PTPN14: variants seen among roughly 807,000 people sequenced by gnomAD.
PTPN14 encodes tyrosine-protein phosphatase non-receptor type 14.
A neutral mutation model predicts 126.8 loss-of-function variants in PTPN14; 53 were observed. The observed-to-expected ratio is 0.42, with a 90% CI of 0.34 to 0.53. The LOEUF (loss-of-function observed/expected upper bound fraction) is 0.53, where lower values mean the gene tolerates loss of function less well. PTPN14 is among the 20% of genes least tolerant of loss of function. The pLI is 0.08. For synonymous variants in PTPN14, 630 were observed against 599.3 expected, an observed-to-expected ratio of 1.05 and a Z score of -0.75; for missense variants, 1,257 against 1,552.9, an observed-to-expected ratio of 0.81 and a Z score of 3.20.
chr1:214,393,400 G>A (rs1054182406), intron 10 of PTPN14, among the ~76,000 whole-genome samples: 1 of 152,304 alleles, frequency 6.6e-6, no homozygotes, highest in Middle Eastern at 3.4e-3. Flanking sequence ...GAACTGCACC[G>A]CTTCTCCAAA....
intron 1 of PTPN14, among the ~76,000 whole-genome samples, chr1:214,536,412 A>AAATT (rs139846770): frequency 0.038 from 5,821 of 152,198 alleles, 199 homozygotes; most frequent in African/African-American, 0.099. Context: ...TGTCTTTAAA[A>AAATT]AATTAATTAG....
intron 3 of PTPN14, among the ~76,000 whole-genome samples, chr1:214,422,762 C>T (rs1464722847): frequency 2.6e-5 from 4 of 152,120 alleles, no homozygotes; most frequent in Non-Finnish European, 2.9e-5. Context: ...AAATGAAAGG[C>T]AAGAAGATCA....
rs151256875 is a variant in PTPN14 at position 214,442,160 on chromosome 1, C to T, written c.344+9645G>A. ...TAAAGATGTAATAATAAAATTATCACTTCTTTGAAGTATACTAAACAGGTT... is the reference window on the plus strand; with the variant it reads ...TAAAGATGTAATAATAAAATTATCATTTCTTTGAAGTATACTAAACAGGTT... On this transcript the variant is annotated intron_variant, in intron 3 of 18. Transcript: ENST00000366956. 3.4e-3 allele frequency among the ~76,000 whole-genome samples: 511 copies of T among 152,296 alleles called. 2 individuals are homozygous for T. Among genetic ancestry groups the T allele is most frequent in the African/African-American group, 0.012 (495 of 41,556 alleles).
At chr1:214,402,302 G>A (rs1445581244) in intron 6 of PTPN14, among the ~76,000 whole-genome samples, 1 of 151,502 alleles carries the variant, frequency 6.6e-6, no homozygotes, top group East Asian at 2.0e-4. Context: ...GCTGGGTGTG[G>A]TGGTGCATGT....
At chr1:214,440,118 C>G (rs149440863) in intron 3 of PTPN14, among the ~76,000 whole-genome samples, 2 of 152,166 alleles carry the variant, frequency 1.3e-5, no homozygotes, top group Admixed American at 1.3e-4. Flanking sequence ...ATGCTTGGTT[C>G]ACCTAAAACC....
chr1:214,391,284 C>T (rs1658745812), intron 10 of PTPN14, among the ~76,000 whole-genome samples: 1 of 151,712 alleles, frequency 6.6e-6, no homozygotes, highest in South Asian at 2.1e-4. Context: ...TAATATTAAA[C>T]CAATGGAGGC....
chr1:214,525,815 C>T (rs1655377791), intron 1 of PTPN14, among the ~76,000 whole-genome samples: 1 of 152,144 alleles, frequency 6.6e-6, no homozygotes, highest in Non-Finnish European at 1.5e-5. Flanking sequence ...CACAGGCGTG[C>T]ACTTTCCACT....
intron 2 of PTPN14, among the ~76,000 whole-genome samples, chr1:214,455,615 A>G (rs4535974): frequency 0.38 from 57,447 of 151,694 alleles, 11,114 homozygotes; most frequent in East Asian, 0.52. Flanking sequence ...CAGTCCTCAG[A>G]CACAAGAACC....
chr1:214,454,389 A>T (rs1380934040), intron 2 of PTPN14, among the ~76,000 whole-genome samples: 2 of 152,162 alleles, frequency 1.3e-5, no homozygotes, highest in Non-Finnish European at 2.9e-5. Flanking sequence ...TAAAATTTTT[A>T]TTGCTTCTGT....
In PTPN14 at chr1:214,411,693, T is replaced by C. The variant is rs1382528531; in HGVS notation, c.501A>G (p.Leu167=). 2 of 1,499,784 alleles carry C rather than the reference T, an allele frequency of 1.3e-6. No individual in the cohort carries two copies. Among genetic ancestry groups the C allele is most frequent in the Admixed American group, 1.8e-5 (1 of 55,274 alleles). The allele number at this position is 1,499,784 out of a possible 1,614,324, so 92.9% of individuals were successfully genotyped here. A position where few individuals can be genotyped will look rare whatever the true frequency, so the allele number is the denominator to read the frequency against. The stretch of plus-strand genomic sequence containing the variant: ...ATGAAATTACACTTACCATAGGAAA[T>C]AGCACATACTCTCTGAGGAAATCTT... ...DSQDFLREYV[L]FPMDLALEEA... is the part of the protein sequence containing the mutation. Residue 167 remains leucine, a synonymous_variant, in exon 5 of 19, where the codon CTA becomes CTG. Transcript: ENST00000366956.
In PTPN14 at chr1:214,357,753, C is replaced by A; in HGVS notation, c.*169G>T. ...CAAAGGGGAAAAAAATAAATTATCT[C>A]ATATAAAATAATACATGGTATGTGT... is the stretch of plus-strand genomic sequence containing the variant. On this transcript the variant is annotated 3_prime_UTR_variant, in exon 19 of 19. Transcript: ENST00000366956. 7.6e-6 allele frequency: 4 copies of A among 528,022 alleles called. No individual in the cohort carries two copies. The highest frequency in any genetic ancestry group is 3.0e-5 in the East Asian group (1 of 33,148). The allele number at this position is 528,022 out of a possible 1,614,324, so 32.7% of individuals were successfully genotyped here.
chr1:214,481,511 CAAAAAAAAAAAA>C (rs371949252), intron 1 of PTPN14, among the ~76,000 whole-genome samples: 4 of 67,456 alleles, frequency 5.9e-5, no homozygotes, highest in African/African-American at 2.7e-4. Context: ...AACTCCCGCT[CAAAAAAAAAAAA>C]AAAAAAAAGA....
intron 2 of PTPN14, among the ~76,000 whole-genome samples, chr1:214,452,509 T>C (rs182796569): frequency 2.6e-5 from 4 of 152,326 alleles, no homozygotes; most frequent in Admixed American, 1.3e-4. Flanking sequence ...CTTTAAAAAG[T>C]ATCATCCTCT....
chr1:214,536,163 G>C (rs1192110125), intron 1 of PTPN14, among the ~76,000 whole-genome samples: 1 of 152,018 alleles, frequency 6.6e-6, no homozygotes, highest in Admixed American at 6.6e-5. Flanking sequence ...GCCAAGGCCG[G>C]GGTGGGGTGG....
At chr1:214,429,484 TGACA>T (rs1049034107) in intron 3 of PTPN14, among the ~76,000 whole-genome samples, 2 of 152,216 alleles carry the variant, frequency 1.3e-5, no homozygotes, top group Non-Finnish European at 2.9e-5. Flanking sequence ...GTAAAAACAT[TGACA>T]GTCATAAACT....
rs928179060 is a variant in PTPN14 at position 214,383,110 on chromosome 1, T to C, written c.2544+201A>G. Reference sequence around the variant, plus strand: ...GCCTCAATAACGTACCAAGTACACCTGTTAGAAGCCACAAATGAGAATGGA... The same window carrying C: ...GCCTCAATAACGTACCAAGTACACCCGTTAGAAGCCACAAATGAGAATGGA... On this transcript the variant is annotated intron_variant, in intron 13 of 18. Transcript: ENST00000366956. This position sits in a 1 kb window ranked among gnomAD's most constrained non-coding sequence, Gnocchi z 4.4. Among the ~76,000 whole-genome samples the C allele has an allele frequency of 6.6e-6, 1 of 152,232 alleles. No individual in the cohort carries two copies. The highest frequency in any genetic ancestry group is 6.5e-5 in the Admixed American group (1 of 15,290).
At chr1:214,536,258 T>A (rs1053413566) in intron 1 of PTPN14, among the ~76,000 whole-genome samples, 8 of 151,382 alleles carry the variant, frequency 5.3e-5, no homozygotes, top group Non-Finnish European at 1.2e-4. Context: ...AATAAAAAAA[T>A]TTGGCACAGG....
chr1:214,406,711 T>C (rs1293620636), intron 5 of PTPN14, among the ~76,000 whole-genome samples: 2 of 152,168 alleles, frequency 1.3e-5, no homozygotes, highest in Non-Finnish European at 2.9e-5. Flanking sequence ...TAGAGTTTAG[T>C]GGAAACACAG....
Position 214,372,747 on chromosome 1 carries a change from C to T in PTPN14, c.3000G>A (p.Gln1000=). 6.2e-7 allele frequency: 1 copy of T among 1,614,120 alleles called. No homozygotes were observed. The highest frequency in any genetic ancestry group is 1.1e-5 in the South Asian group (1 of 91,080). The change falls in exon 16 of 19, where the codon CAG becomes CAA. Residue 1000 remains glutamine, a synonymous_variant. Coordinates refer to ENST00000366956, the MANE Select transcript of PTPN14 (RefSeq NM_005401.5). ...CHDFWQMVWE[Q]GVNVIAMVTA... ...TGACCATGGCAATCACATTCACTCC[C>T]TGCTCCCACACCATCTGCCAGAAGT...
Sources: gnomAD v4.1 joint callset for allele counts (sites outside exome capture counted in the v4.1 genomes callset) on GRCh38, gnomAD v4.1.1 for gene constraint, Gnocchi (gnomAD v3.1) non-coding constraint, MANE v1.5 for transcripts, NCBI Gene and HGNC (gene_info 2026-07-23, HGNC 2026-07-21) for gene names.